The following MYO16 variants were observed in gnomAD, a reference collection of about 807,000 sequenced individuals.
MYO16 encodes unconventional myosin-XVI.
In MYO16, 94 loss-of-function variants were observed where a neutral mutation model predicts 205.3. That is an observed-to-expected ratio of 0.46 (90% CI 0.39 to 0.54). The LOEUF (loss-of-function observed/expected upper bound fraction) is 0.54. Among genes scored for constraint, MYO16 ranks in the 20% least tolerant of loss-of-function variants. MYO16 has a pLI of 0.00. For missense variants in MYO16, 2,315 were observed against 2,387.5 expected (o/e 0.97, Z 0.63); for synonymous variants, 988 against 954.0 (o/e 1.04, Z -0.66).
intron 28 of MYO16, among the ~76,000 whole-genome samples, chr13:109,110,046 G>A (rs770107070): frequency 6.6e-5 from 10 of 152,340 alleles, no homozygotes; most frequent in East Asian, 3.9e-4. Flanking sequence ...ACCCCAGGGA[G>A]TGCCAAAGGC....
intron 16 of MYO16, among the ~76,000 whole-genome samples, chr13:108,912,675 A>G (rs4773003): frequency 0.21 from 31,772 of 151,848 alleles, 3,999 homozygotes; most frequent in East Asian, 0.67. Flanking sequence ...TGACCCTGGG[A>G]GGAAGCACCT....
At chr13:109,060,174 G>A (rs9521143) in intron 27 of MYO16, among the ~76,000 whole-genome samples, 75,166 of 151,980 alleles carry the variant, frequency 0.49, 18,583 homozygotes, top group Middle Eastern at 0.55. Flanking sequence ...CTGCTATAAA[G>A]ACACATTCAC....
At chr13:109,098,458 C>T (rs1474841586) in intron 27 of MYO16, among the ~76,000 whole-genome samples, 1 of 152,136 alleles carries the variant, frequency 6.6e-6, no homozygotes, top group Non-Finnish European at 1.5e-5. Flanking sequence ...AGATGGTTGG[C>T]AAGGGGTCAG....
intron 16 of MYO16, among the ~76,000 whole-genome samples, chr13:108,940,285 GC>G (rs1332969042): frequency 1.3e-5 from 2 of 152,096 alleles, no homozygotes; most frequent in Non-Finnish European, 2.9e-5. Context: ...GGCCTATGTT[GC>G]CCAATAGGAT....
At chr13:108,798,747 G>A (rs1189723694) in intron 6 of MYO16, among the ~76,000 whole-genome samples, 1 of 114,254 alleles carries the variant, frequency 8.8e-6, no homozygotes, top group Non-Finnish European at 1.7e-5. Context: ...CGCCCAGGCC[G>A]GACTGCGGAC....
chr13:108,618,056 T>C (rs1438466686), intron 1 of MYO16, among the ~76,000 whole-genome samples: 1 of 152,152 alleles, frequency 6.6e-6, no homozygotes, highest in Non-Finnish European at 1.5e-5. Context: ...CTGCTCTGTC[T>C]TCACTACCAT....
intron 11 of MYO16, among the ~76,000 whole-genome samples, chr13:108,862,560 C>G (rs1439437023): frequency 6.6e-6 from 1 of 152,078 alleles, no homozygotes; most frequent in African/African-American, 2.4e-5. Flanking sequence ...GGGTGCATTT[C>G]TAGGATCTGT....
At chr13:109,044,771 C>T (rs1886986328) in intron 23 of MYO16, among the ~76,000 whole-genome samples, 1 of 152,140 alleles carries the variant, frequency 6.6e-6, no homozygotes, top group Non-Finnish European at 1.5e-5. Context: ...CTCACTGCAG[C>T]TTCCGCCTCC....
chr13:108,572,124 G>C, the MYO16 span, among the ~76,000 whole-genome samples: 3 of 151,756 alleles, frequency 2.0e-5, no homozygotes, highest in Admixed American at 2.0e-4. Context: ...TTGGGGTCTG[G>C]CTATGTTGCC....
chr13:108,800,120 TC>T (rs1886925250), intron 6 of MYO16, among the ~76,000 whole-genome samples: 1 of 152,144 alleles, frequency 6.6e-6, no homozygotes, highest in African/African-American at 2.4e-5. Context: ...TTGAGGACAC[TC>T]CAGATTTTCT....
chr13:108,592,527 G>A (rs942166372), upstream of MYO16, among the ~76,000 whole-genome samples: 8 of 137,244 alleles, frequency 5.8e-5, no homozygotes, highest in African/African-American at 2.2e-4. Context: ...TATAGGGGAT[G>A]GTGGGTGGGG....
rs545426967 is a variant in MYO16, at chr13:108,771,288, C to T, written c.508-14347C>T. ...AAACTATGTAAGCATAAAACATCCA[C>T]TCATAGAGCTTATTTTCTACTTTTC... On this transcript the variant is annotated intron_variant, in intron 4 of 34. Transcript: ENST00000457511. Among the ~76,000 whole-genome samples the T allele has an allele frequency of 4.7e-4, 72 of 152,240 alleles. No individual in the cohort carries two copies. In the South Asian group the frequency reaches 5.4e-3, roughly 11 times the overall value.
intron 1 of MYO16, among the ~76,000 whole-genome samples, chr13:108,655,572 G>C (rs754241474): frequency 5.9e-5 from 9 of 152,160 alleles, no homozygotes; most frequent in South Asian, 4.1e-4. Flanking sequence ...TTTGGGAAGA[G>C]AGCCACCATC....
At chr13:109,189,787 G>A (rs543235713) in intron 34 of MYO16, among the ~76,000 whole-genome samples, 183 of 152,220 alleles carry the variant, frequency 1.2e-3, no homozygotes, top group Non-Finnish European at 1.9e-3. Flanking sequence ...ATCATTTTAC[G>A]TCAGCTTAAA....
rs1337574158 is a variant in MYO16 at position 109,172,173 on chromosome 13, T to C, written c.5323+7114T>C. On this transcript the variant is annotated intron_variant, in intron 33 of 34. Coordinates refer to ENST00000457511, the MANE Select transcript of MYO16 (RefSeq NM_001198950.3). ...TTGGAACCCATAAATATCTTTAATA[T>C]GTATTTTACAACATCACTTTCTTTA... is the stretch of plus-strand genomic sequence containing the variant. Among the ~76,000 whole-genome samples, 12 of 152,234 alleles carry C rather than the reference T, an allele frequency of 7.9e-5. No individual in the cohort carries two copies. The South Asian group carries it at 2.1e-3, about 26-fold the overall frequency.
chr13:108,802,120 A>T (rs939418575), intron 6 of MYO16, among the ~76,000 whole-genome samples: 1 of 152,122 alleles, frequency 6.6e-6, no homozygotes, highest in Admixed American at 6.6e-5. Context: ...ATTCTTTGTT[A>T]TTTTAACATG....
At chr13:108,896,946 A>G (rs947981966) in intron 14 of MYO16, among the ~76,000 whole-genome samples, 1 of 152,130 alleles carries the variant, frequency 6.6e-6, no homozygotes, top group African/African-American at 2.4e-5. Flanking sequence ...CAGTGAGCCG[A>G]GATCACATCA....
At chr13:108,910,819 G>A (rs543473390) in intron 16 of MYO16, among the ~76,000 whole-genome samples, 2 of 152,230 alleles carry the variant, frequency 1.3e-5, no homozygotes, top group South Asian at 4.2e-4. Flanking sequence ...TGGGAAAAGA[G>A]CACAAGAGAG....
At chr13:108,701,833 A>G (rs1459156836) in intron 2 of MYO16, among the ~76,000 whole-genome samples, 2 of 152,188 alleles carry the variant, frequency 1.3e-5, no homozygotes, top group South Asian at 2.1e-4. Flanking sequence ...GGAAAGTATG[A>G]AAGTGGTATC....
Sources: allele counts gnomAD v4.1 joint callset (sites outside exome capture counted in the v4.1 genomes callset), GRCh38; gene constraint gnomAD v4.1.1; transcripts MANE v1.5; gene names NCBI Gene and HGNC (gene_info 2026-07-23, HGNC 2026-07-21).